The following KCNN2 variants were observed in gnomAD, a reference collection of about 807,000 sequenced individuals.
The protein encoded by KCNN2 is potassium calcium-activated channel subfamily N member 2, also known as small conductance calcium-activated potassium channel protein 2.
In KCNN2, 24 loss-of-function variants were observed where a neutral mutation model predicts 55.5. The ratio of observed to expected loss-of-function variants is 0.43; its 90% CI spans 0.31 to 0.61. The LOEUF (loss-of-function observed/expected upper bound fraction) is 0.61, where lower values mean the gene tolerates loss of function less well. Among genes scored for constraint, KCNN2 ranks in the 20% least tolerant of loss-of-function variants. The pLI, the probability that KCNN2 is intolerant of heterozygous loss-of-function variation, is 0.08. For synonymous variants in KCNN2, 431 were observed against 336.1 expected (o/e 1.28, Z -3.09); for missense variants, 754 against 853.6 (o/e 0.88, Z 1.45).
intron 1 of KCNN2, among the ~76,000 whole-genome samples, chr5:114,140,947 C>T (rs1222130437): frequency 2.0e-5 from 3 of 151,684 alleles, no homozygotes; most frequent in Admixed American, 1.3e-4. Flanking sequence ...CACCACCACA[C>T]CCATCTAATT....
intron 3 of KCNN2, among the ~76,000 whole-genome samples, chr5:114,445,906 C>T (rs530941598): frequency 1.3e-5 from 2 of 152,302 alleles, no homozygotes; most frequent in South Asian, 4.1e-4. Flanking sequence ...CCTTGGGCAC[C>T]AGCTGTTTCC....
At chr5:114,289,350 A>T (rs1002989152) in intron 2 of KCNN2, among the ~76,000 whole-genome samples, 1 of 149,004 alleles carries the variant, frequency 6.7e-6, no homozygotes, top group Non-Finnish European at 1.5e-5. Flanking sequence ...TTGCAGTTCC[A>T]TATGAATTTT....
intron 1 of KCNN2, among the ~76,000 whole-genome samples, chr5:114,143,858 C>T (rs1472558007): frequency 6.6e-6 from 1 of 152,162 alleles, no homozygotes; most frequent in East Asian, 1.9e-4. Flanking sequence ...TTTAAATGAA[C>T]CGTAGCAATC....
At chr5:114,266,961 A>G (rs960123563) in intron 2 of KCNN2, among the ~76,000 whole-genome samples, 3 of 149,538 alleles carry the variant, frequency 2.0e-5, no homozygotes, top group Admixed American at 2.0e-4. Flanking sequence ...GATTACTGAT[A>G]TTAAGATGCT....
At chr5:114,166,900 T>A (rs1468204769) in intron 1 of KCNN2, among the ~76,000 whole-genome samples, 1 of 152,074 alleles carries the variant, frequency 6.6e-6, no homozygotes, top group Non-Finnish European at 1.5e-5. Flanking sequence ...TGCCCTCCAC[T>A]ATTTGAGGAT....
chr5:114,363,851 A>G, intron 1 of KCNN2, 55 bp from the exon 2 acceptor site: 2 of 1,290,992 alleles, frequency 1.5e-6, no homozygotes, highest in Non-Finnish European at 2.3e-6. Flanking sequence ...GGGGACGTGG[A>G]AGGCGGTTAA....
intron 2 of KCNN2, among the ~76,000 whole-genome samples, chr5:114,390,424 G>A (rs1758419160): frequency 6.6e-6 from 1 of 152,140 alleles, no homozygotes; most frequent in South Asian, 2.1e-4. Context: ...AATCAGTGAT[G>A]TCAGTCTTTG....
chr5:114,486,960 G>A, intron 5 of KCNN2, 90 bp from the exon 6 acceptor site: 1 of 1,456,430 alleles, frequency 6.9e-7, no homozygotes, highest in South Asian at 1.2e-5. Flanking sequence ...AGCTCACCAT[G>A]ATCCTTGGGA....
intron 2 of KCNN2, among the ~76,000 whole-genome samples, chr5:114,316,376 T>C (rs777152422): frequency 2.0e-5 from 3 of 152,152 alleles, no homozygotes; most frequent in African/African-American, 4.8e-5. Flanking sequence ...CTAAGATACA[T>C]CTGAGGAAAC....
At chr5:114,116,587 G>A (rs1751712198) in intron 1 of KCNN2, among the ~76,000 whole-genome samples, 1 of 152,138 alleles carries the variant, frequency 6.6e-6, no homozygotes, top group Non-Finnish European at 1.5e-5. Flanking sequence ...AATGCTTCAG[G>A]AGGCAGTTTA....
chr5:114,212,068 C>G (rs1045648893), intron 1 of KCNN2, among the ~76,000 whole-genome samples: 2 of 151,720 alleles, frequency 1.3e-5, no homozygotes, highest in African/African-American at 2.4e-5. Flanking sequence ...ATACTTAATT[C>G]GATAACTATG....
intron 2 of KCNN2, among the ~76,000 whole-genome samples, chr5:114,299,662 G>A (rs1246060145): frequency 2.0e-5 from 3 of 152,028 alleles, no homozygotes; most frequent in African/African-American, 7.2e-5. Flanking sequence ...CCCATCTCTG[G>A]GCACTGGCAA....
At chr5:114,146,651 A>G (rs143733957) in intron 1 of KCNN2, among the ~76,000 whole-genome samples, 3 of 152,332 alleles carry the variant, frequency 2.0e-5, no homozygotes, top group Admixed American at 6.5e-5. Flanking sequence ...GGCCTCAGGG[A>G]TTAACTCCAG....
At chr5:114,060,361 CA>C (rs776985276) in intron 1 of KCNN2, among the ~76,000 whole-genome samples, 3 of 152,228 alleles carry the variant, frequency 2.0e-5, no homozygotes, top group Non-Finnish European at 2.9e-5. Flanking sequence ...GTTCTTTCCT[CA>C]AATGGATCCC....
chr5:114,125,193 A>G (rs1366553274), intron 1 of KCNN2, among the ~76,000 whole-genome samples: 2 of 152,006 alleles, frequency 1.3e-5, no homozygotes, highest in Admixed American at 1.3e-4. Context: ...AACTTTTTGT[A>G]CCCTCATGGT....
At chr5:114,139,473 C>A (rs11741901) in intron 1 of KCNN2, among the ~76,000 whole-genome samples, 16,344 of 140,366 alleles carry the variant, frequency 0.12, 1,204 homozygotes, top group South Asian at 0.25. Flanking sequence ...CCCCCACACA[C>A]ACACACCAGA....
At chr5:114,059,598 G>A (rs187000396) in intron 1 of KCNN2, among the ~76,000 whole-genome samples, 5 of 152,322 alleles carry the variant, frequency 3.3e-5, no homozygotes, top group Admixed American at 1.3e-4. Context: ...AAGGGAAGGT[G>A]GGTAACTAGC....
intron 1 of KCNN2, among the ~76,000 whole-genome samples, chr5:114,124,171 G>T (rs1299458772): frequency 1.3e-5 from 2 of 152,160 alleles, no homozygotes; most frequent in Non-Finnish European, 2.9e-5. Context: ...AGGTCAGGAT[G>T]ATAAATGGAT....
At chr5:114,148,379 G>A (rs1360675840) in intron 1 of KCNN2, among the ~76,000 whole-genome samples, 3 of 152,100 alleles carry the variant, frequency 2.0e-5, no homozygotes, top group Admixed American at 6.5e-5. Flanking sequence ...ATGGAGACAA[G>A]GAGGGCTCAA....
Sources: gnomAD v4.1 joint callset for allele counts (sites outside exome capture counted in the v4.1 genomes callset) on GRCh38, gnomAD v4.1.1 for gene constraint, MANE v1.5 for transcripts, NCBI Gene and HGNC (gene_info 2026-07-23, HGNC 2026-07-21) for gene names.